The following PPFIBP2 variants were observed in gnomAD, a reference collection of about 807,000 sequenced individuals.
The protein encoded by PPFIBP2 is PPFIB scaffold protein 2.
A neutral mutation model predicts 118.3 loss-of-function variants in PPFIBP2; 118 were observed. That is an observed-to-expected ratio of 1.00 (90% confidence interval 0.86 to 1.16). The LOEUF (loss-of-function observed/expected upper bound fraction) is 1.16, where lower values mean the gene tolerates loss of function less well. Ranked by LOEUF, PPFIBP2 falls within the 50% of genes most tolerant of loss-of-function variation. PPFIBP2 has a pLI of 0.00. For missense variants in PPFIBP2, 1,195 were observed against 1,073.1 expected, an observed-to-expected ratio of 1.11 and a Z score of -1.59; for synonymous variants, 414 against 397.4, an observed-to-expected ratio of 1.04 and a Z score of -0.50.
At chr11:7,577,375 C>T in intron 3 of PPFIBP2, 1 of 331,774 alleles carries the variant, frequency 3.0e-6, no homozygotes, top group East Asian at 8.1e-5. Context: ...TCGGGGAGGA[C>T]ACTGAAGCAG....
At chr11:7,635,968 T>C (rs2135819617) in intron 14 of PPFIBP2, among the ~76,000 whole-genome samples, 1 of 152,218 alleles carries the variant, frequency 6.6e-6, no homozygotes, top group Admixed American at 6.5e-5. Flanking sequence ...AAAACACAAG[T>C]GTACACTCAG....
intron 1 of PPFIBP2, among the ~76,000 whole-genome samples, chr11:7,535,076 A>G (rs1564946450): frequency 1.3e-5 from 2 of 152,134 alleles, no homozygotes; most frequent in African/African-American, 2.4e-5. Context: ...TCCTTCTTTC[A>G]TTTCCACCAT....
At chr11:7,626,956 C>T (rs979778978) in intron 8 of PPFIBP2, among the ~76,000 whole-genome samples, 26 of 152,156 alleles carry the variant, frequency 1.7e-4, no homozygotes, top group Admixed American at 1.6e-3. Context: ...TCTCAGTGTC[C>T]GCCCAAGCCA....
intron 17 of PPFIBP2, among the ~76,000 whole-genome samples, chr11:7,642,730 A>G (rs1852386700): frequency 6.6e-6 from 1 of 152,252 alleles, no homozygotes; most frequent in Admixed American, 6.5e-5. Flanking sequence ...CAAGATTGCC[A>G]TATACCAATG....
At chr11:7,635,742 T>G in intron 14 of PPFIBP2, 149 bp downstream of exon 14, 2 of 743,036 alleles carry the variant, frequency 2.7e-6, no homozygotes, top group Non-Finnish European at 4.5e-6. Flanking sequence ...TCTCTCCCAT[T>G]TTATTTTTAT....
chr11:7,589,870 C>A (rs1390627534), intron 3 of PPFIBP2, among the ~76,000 whole-genome samples: 1 of 152,224 alleles, frequency 6.6e-6, no homozygotes, highest in Non-Finnish European at 1.5e-5. Flanking sequence ...AGCAGGTATA[C>A]TTGTTGACCA....
At chr11:7,514,780 G>C (rs1156602651) in intron 1 of PPFIBP2, among the ~76,000 whole-genome samples, 1 of 152,204 alleles carries the variant, frequency 6.6e-6, no homozygotes, top group South Asian at 2.1e-4. Context: ...TGTAACAAGA[G>C]AACAGAACTT....
intron 5 of PPFIBP2, among the ~76,000 whole-genome samples, chr11:7,604,153 T>C (rs1357663166): frequency 6.6e-6 from 1 of 152,070 alleles, no homozygotes; most frequent in African/African-American, 2.4e-5. Context: ...AAGAATGTTT[T>C]CCTTACAGGA....
At chr11:7,515,954 A>C (rs1255854780) in intron 1 of PPFIBP2, among the ~76,000 whole-genome samples, 1 of 152,220 alleles carries the variant, frequency 6.6e-6, no homozygotes, top group Non-Finnish European at 1.5e-5. Context: ...TCCATAGGTC[A>C]GGGGTGGGAC....
chr11:7,575,019 C>T (rs1856114960), intron 3 of PPFIBP2, among the ~76,000 whole-genome samples: 1 of 152,124 alleles, frequency 6.6e-6, no homozygotes, highest in African/African-American at 2.4e-5. Context: ...GCACCCCCCA[C>T]CTTTGTTCAT....
At chr11:7,655,971 G>A (rs896960211), downstream of PPFIBP2, among the ~76,000 whole-genome samples, 3 of 152,104 alleles carry the variant, frequency 2.0e-5, no homozygotes, top group Non-Finnish European at 4.4e-5. Context: ...ATCCTGGCAC[G>A]CCCGAAAGGA....
chr11:7,577,422 T>C (rs542387223), intron 3 of PPFIBP2: 120 of 394,266 alleles, frequency 3.0e-4, no homozygotes, highest in Non-Finnish European at 6.0e-4. Context: ...TCTGAAACTG[T>C]CTAGGGAGAG....
chr11:7,575,381 C>CTCTA (rs58925056), intron 3 of PPFIBP2, among the ~76,000 whole-genome samples: 6,976 of 152,254 alleles, frequency 0.046, 181 homozygotes, highest in Middle Eastern at 0.11. Context: ...TGAGCCACAG[C>CTCTA]TCTATGTAAG....
chr11:7,662,517 G>A, the PPFIBP2 span, among the ~76,000 whole-genome samples: 492 of 151,394 alleles, frequency 3.2e-3, 3 homozygotes, highest in African/African-American at 0.011. Context: ...TGAGAGATCC[G>A]CTGTTAGTCT....
intron 3 of PPFIBP2, among the ~76,000 whole-genome samples, chr11:7,592,150 A>G (rs1487721915): frequency 2.6e-5 from 4 of 152,252 alleles, no homozygotes; most frequent in East Asian, 1.9e-4. Flanking sequence ...AATCAGATCT[A>G]CTTTTTCAAA....
At chr11:7,595,261 G>A (rs995547185) in intron 4 of PPFIBP2, among the ~76,000 whole-genome samples, 2 of 152,190 alleles carry the variant, frequency 1.3e-5, no homozygotes, top group East Asian at 1.9e-4. Context: ...AGATTGAATA[G>A]CACATTGTAG....
At chr11:7,642,019 GT>G (rs2135905908) in intron 16 of PPFIBP2, 2 of 425,530 alleles carry the variant, frequency 4.7e-6, no homozygotes, top group African/African-American at 4.0e-5. Context: ...GATCCACTTT[GT>G]GACATGAGGC....
At chr11:7,625,387 ATGAG>A (rs149948632) in intron 7 of PPFIBP2, among the ~76,000 whole-genome samples, 1,657 of 152,308 alleles carry the variant, frequency 0.011, 32 homozygotes, top group African/African-American at 0.037. Context: ...ATGTTACTGT[ATGAG>A]TGAGTATCTT....
chr11:7,566,056 C>A (rs1038730910), intron 3 of PPFIBP2, among the ~76,000 whole-genome samples: 2 of 152,118 alleles, frequency 1.3e-5, no homozygotes, highest in East Asian at 3.9e-4. Context: ...CACACACACA[C>A]ACCCTCGAAT....
Sources: gnomAD v4.1 joint callset for allele counts (sites outside exome capture counted in the v4.1 genomes callset) on GRCh38, gnomAD v4.1.1 for gene constraint, MANE v1.5 for transcripts, NCBI Gene and HGNC (gene_info 2026-07-23, HGNC 2026-07-21) for gene names.